CARD14: variants seen among roughly 807,000 people sequenced by gnomAD.
The protein encoded by CARD14 is caspase recruitment domain family member 14, also known as caspase recruitment domain-containing protein 14.
CARD14 carries 107 observed loss-of-function variants against 111.5 expected under a neutral mutation model. That is an observed-to-expected ratio of 0.96 (90% CI 0.82 to 1.13). CARD14 has a LOEUF of 1.13. CARD14 is among the 50% of genes most tolerant of loss of function. CARD14 has a pLI of 0.00. For missense variants in CARD14, 1,322 were observed against 1,362.3 expected, an observed-to-expected ratio of 0.97 and a Z score of 0.47; for synonymous variants, 617 against 579.6, an observed-to-expected ratio of 1.06 and a Z score of -0.93.
Position 80,181,565 on chromosome 17 carries a change from C to T in CARD14, c.127C>T (p.Leu43=), listed in dbSNP as rs1288214434. 3 of 1,566,930 alleles carry T rather than the reference C, an allele frequency of 1.9e-6. No homozygotes were observed. The highest frequency in any genetic ancestry group is 1.7e-6 in the Non-Finnish European group (2 of 1,156,238). ...CICPSRLTPY[L]RQAKVLCQLD... is the part of the protein sequence containing the mutation. ...CTGCCCCAGCCGCCTCACCCCCTACCTGCGCCAGGCCAAGGTGCTGTGCCA... is the reference window on the plus strand; with the variant it reads ...CTGCCCCAGCCGCCTCACCCCCTACTTGCGCCAGGCCAAGGTGCTGTGCCA... The change falls in exon 5 of 24, where the codon CTG becomes TTG. Residue 43 remains leucine (L), a synonymous_variant. Transcript: ENST00000648509.
In CARD14 at chr17:80,189,910, G is replaced by C. The variant is rs775827174; in HGVS notation, c.963+38G>C. On this transcript the variant is annotated intron_variant, in intron 9 of 23. Coordinates refer to ENST00000648509, the MANE Select transcript of CARD14 (RefSeq NM_001366385.1). The surrounding 1 kb of genome is among the most constrained non-coding windows in gnomAD (Gnocchi z 4.7). ...CCCTTCCTCCCTTGTGACTCTCCTG[G>C]GGCTTGTCTCAGGGGTGCGGACAGG... The C allele has an allele frequency of 1.3e-6, 2 of 1,576,630 alleles. No individual in the cohort carries two copies. The highest frequency in any genetic ancestry group is 1.9e-5 in the Admixed American group (1 of 51,488).
chr17:80,206,903 C>T lies in CARD14; in HGVS notation c.2692-67C>T. ...GTCCGGAGGGCCCTTCTGACCTGGG[C>T]GTTGGCTCCCTTTGCTTCCTCTGAG... is the stretch of plus-strand genomic sequence containing the variant. On this transcript the variant is annotated intron_variant, in intron 22 of 23. Coordinates refer to ENST00000648509, the MANE Select transcript of CARD14 (RefSeq NM_001366385.1). 2.0e-5 allele frequency: 23 copies of T among 1,173,866 alleles called. 1 individual carries two copies. The South Asian group carries it at 2.2e-4, about 11-fold the overall frequency. The allele number at this position is 1,173,866 out of a possible 1,614,324, so 72.7% of individuals were successfully genotyped here.
At chr17:80,175,002 G>A (rs1439968037) in intron 2 of CARD14, among the ~76,000 whole-genome samples, 3 of 151,350 alleles carry the variant, frequency 2.0e-5, no homozygotes, top group African/African-American at 7.3e-5. Context: ...TTAAGACAGG[G>A]TCTCAGTCTG....
In CARD14 at chr17:80,191,412, G is replaced by T; in HGVS notation, c.1179G>T (p.Thr393=). ...TCCGCAGGCAGGTGTTCGAGCTGAC[G>T]GACCAGGTCTGCGAGCTGCGCACAC... ...DSLRRQVFEL[T]DQVCELRTQL... Residue 393 remains threonine, a synonymous_variant, in exon 11 of 24, where the codon ACG becomes ACT. Transcript: ENST00000648509. 6.2e-7 allele frequency: 1 copy of T among 1,613,842 alleles called. No homozygotes were observed. The highest frequency in any genetic ancestry group is 2.2e-5 in the East Asian group (1 of 44,868).
intron 16 of CARD14, among the ~76,000 whole-genome samples, chr17:80,199,673 G>GT (rs1481598329): frequency 6.7e-6 from 1 of 149,282 alleles, no homozygotes; most frequent in Non-Finnish European, 1.5e-5. Flanking sequence ...GAGGTTAGGA[G>GT]TTTGAGACCA....
At position 80,179,279 on chromosome 17, in the gene CARD14, A is replaced by G. The variant is rs2040096951; in HGVS notation, c.-43A>G. ...GAGCAGTGGAGAAAAATTAGGCACAACCTGATATCCTCCCACAGGAGCGTA... is the reference window on the plus strand; with the variant it reads ...GAGCAGTGGAGAAAAATTAGGCACAGCCTGATATCCTCCCACAGGAGCGTA... On this transcript the variant is annotated 5_prime_UTR_variant, in exon 4 of 24. Coordinates refer to ENST00000648509, the MANE Select transcript of CARD14 (RefSeq NM_001366385.1). The G allele has an allele frequency of 6.6e-6, 1 of 152,204 alleles. No individual in the cohort carries two copies. Among genetic ancestry groups the G allele is most frequent in the Non-Finnish European group, 1.5e-5 (1 of 68,046 alleles). 9.4% of individuals were successfully genotyped at this position (152,204 alleles called of 1,614,324 possible). A position where few individuals can be genotyped will look rare whatever the true frequency, so the allele number is the denominator to read the frequency against.
chr17:80,190,652 T>C (rs886879154), intron 9 of CARD14, 122 bp from the exon 10 acceptor site: 103 of 1,021,970 alleles, frequency 1.0e-4, no homozygotes, highest in Non-Finnish European at 1.3e-4. Context: ...CGAGTGAGAA[T>C]TGACCTTATT....
chr17:80,207,110 A>T (rs2041364750), intron 23 of CARD14, 25 bp downstream of exon 23: 1 of 1,570,338 alleles, frequency 6.4e-7, no homozygotes, highest in South Asian at 1.1e-5. Flanking sequence ...GGGGCTGGGC[A>T]GGGGCTTCGA....
At position 80,182,808 on chromosome 17, in the gene CARD14, G is replaced by A. The variant is rs1215651501; in HGVS notation, c.349+18G>A. On this transcript the variant is annotated intron_variant, in intron 6 of 23. Transcript: ENST00000648509. The surrounding 1 kb of genome is among the most constrained non-coding windows in gnomAD (Gnocchi z 4.7). Reference sequence around the variant, plus strand: ...CTTTAGCGGTGAGAGCTCCGACTTTGACGGTTTGGCAGGCACTTCTAGGAA... The same window carrying A: ...CTTTAGCGGTGAGAGCTCCGACTTTAACGGTTTGGCAGGCACTTCTAGGAA... The A allele has an allele frequency of 6.2e-7, 1 of 1,613,846 alleles. No homozygotes were observed. The highest frequency in any genetic ancestry group is 1.7e-5 in the Admixed American group (1 of 59,998).
In CARD14 at chr17:80,189,928, C is replaced by T. The variant is rs2040466962; in HGVS notation, c.963+56C>T. ...TCTCCTGGGGCTTGTCTCAGGGGTG[C>T]GGACAGGTCTGTGGGGAAGCCAGAT... On this transcript the variant is annotated intron_variant, in intron 9 of 23. Transcript: ENST00000648509. This position sits in a 1 kb window ranked among gnomAD's most constrained non-coding sequence, Gnocchi z 4.7. 1.9e-6 allele frequency: 3 copies of T among 1,548,970 alleles called. No individual in the cohort carries two copies. Among genetic ancestry groups the T allele is most frequent in the Admixed American group, 2.3e-5 (1 of 44,278 alleles).
chr17:80,190,170 G>A (rs1476109993), intron 9 of CARD14, among the ~76,000 whole-genome samples: 1 of 152,166 alleles, frequency 6.6e-6, no homozygotes. Flanking sequence ...AAAGGAGACG[G>A]TAGAAGAGAA....
Position 80,201,950 on chromosome 17 carries a change from C to G in CARD14, c.1978+80C>G. On this transcript the variant is annotated intron_variant, in intron 17 of 23. Coordinates refer to ENST00000648509, the MANE Select transcript of CARD14 (RefSeq NM_001366385.1). This position sits in a 1 kb window ranked among gnomAD's most constrained non-coding sequence, Gnocchi z 5.0. ...TTAAGTCCCTGGTGGTTCTTCTGCA[C>G]GCCCAGCAGCCAGGGACCCCCAGAG... The G allele has an allele frequency of 1.3e-6, 2 of 1,495,852 alleles. No homozygotes were observed. The highest frequency in any genetic ancestry group is 1.8e-6 in the Non-Finnish European group (2 of 1,110,770). 92.7% of individuals were successfully genotyped at this position (1,495,852 alleles called of 1,614,324 possible).
Position 80,191,351 on chromosome 17 carries a change from G to T in CARD14, c.1118G>T (p.Arg373Met), listed in dbSNP as rs756736748. 3.1e-6 allele frequency: 5 copies of T among 1,613,920 alleles called. No individual in the cohort carries two copies. In the South Asian group the frequency reaches 4.4e-5, roughly 14 times the overall value. Reference sequence around the variant, plus strand: ...TACTCCGCGAGGGACAGTGCTCAGAGGGAGATTTCCCAGAGCCTGGTGGAG... The same window carrying T: ...TACTCCGCGAGGGACAGTGCTCAGATGGAGATTTCCCAGAGCCTGGTGGAG... ...QAYSARDSAQ[R>M]EISQSLVEKD... is the part of the protein sequence containing the mutation. The change falls in exon 11 of 24, where the codon AGG becomes ATG. Residue 373 changes from arginine (R) to methionine (M), a missense_variant. Coordinates refer to ENST00000648509, the MANE Select transcript of CARD14 (RefSeq NM_001366385.1).
Position 80,188,559 on chromosome 17 carries a change from C to A in CARD14, c.843+15C>A. 6.8e-7 allele frequency: 1 copy of A among 1,461,442 alleles called. No individual in the cohort carries two copies. The highest frequency in any genetic ancestry group is 1.5e-5 in the South Asian group (1 of 66,770). The allele number at this position is 1,461,442 out of a possible 1,614,324, so 90.5% of individuals were successfully genotyped here. A position where few individuals can be genotyped will look rare whatever the true frequency, so the allele number is the denominator to read the frequency against. On this transcript the variant is annotated intron_variant, in intron 8 of 23. Coordinates refer to ENST00000648509, the MANE Select transcript of CARD14 (RefSeq NM_001366385.1). The surrounding 1 kb of genome is among the most constrained non-coding windows in gnomAD (Gnocchi z 4.5). ...CTTTCAGCCTGGTAGGTTCCGGTCC[C>A]CGCAGCAGAGAGCGGCCTCCTGCCT...
chr17:80,173,604 A>AC (rs1555609197), intron 2 of CARD14, among the ~76,000 whole-genome samples: 5 of 143,986 alleles, frequency 3.5e-5, no homozygotes, highest in African/African-American at 7.6e-5. Context: ...CAGATTCGGC[A>AC]TTTTTTTTTT....
Position 80,188,522 on chromosome 17 carries a change from T to A in CARD14, c.821T>A (p.Leu274Gln), listed in dbSNP as rs1392863621. The A allele has an allele frequency of 6.6e-7, 1 of 1,525,116 alleles. No homozygotes were observed. The highest frequency in any genetic ancestry group is 8.8e-7 in the Non-Finnish European group (1 of 1,135,346). The allele number at this position is 1,525,116 out of a possible 1,614,324, so 94.5% of individuals were successfully genotyped here. Reference sequence around the variant, plus strand: ...CGCCTGAAGGAGGAGAATGAGAAACTGCGCTCGCTGACTTTCAGCCTGGTA... The same window carrying A: ...CGCCTGAAGGAGGAGAATGAGAAACAGCGCTCGCTGACTTTCAGCCTGGTA... ...LNRLKEENEK[L>Q]RSLTFSLAEK... Residue 274 changes from leucine (L) to glutamine (Q), a missense_variant, in exon 8 of 24, where the codon CTG becomes CAG. Coordinates refer to ENST00000648509, the MANE Select transcript of CARD14 (RefSeq NM_001366385.1). The surrounding 1 kb of genome is among the most constrained non-coding windows in gnomAD (Gnocchi z 4.5).
chr17:80,182,645 C>T lies in CARD14; in HGVS notation c.212-8C>T. The stretch of plus-strand genomic sequence containing the variant: ...GTTCTGCCCAGACAGACGGTTCTGC[C>T]TCCCAAGGGCACTTGCTGGATTTGC... On this transcript the variant is annotated splice_polypyrimidine_tract_variant and splice_region_variant and intron_variant, in intron 5 of 23. Transcript: ENST00000648509. This position sits in a 1 kb window ranked among gnomAD's most constrained non-coding sequence, Gnocchi z 4.7. 1.2e-6 allele frequency: 2 copies of T among 1,613,920 alleles called. No homozygotes were observed. The highest frequency in any genetic ancestry group is 1.7e-6 in the Non-Finnish European group (2 of 1,179,942).
chr17:80,207,394 T>C (rs2041388157), intron 23 of CARD14, among the ~76,000 whole-genome samples: 1 of 152,032 alleles, frequency 6.6e-6, no homozygotes, highest in African/African-American at 2.4e-5. Flanking sequence ...CTATTAAAAA[T>C]ACAAAAACTA....
chr17:80,199,870 G>A (rs963727025), intron 16 of CARD14, among the ~76,000 whole-genome samples: 1 of 151,620 alleles, frequency 6.6e-6, no homozygotes, highest in Non-Finnish European at 1.5e-5. Context: ...AGTGAGACTC[G>A]GTCTCAAAAA....
Sources: gnomAD v4.1 joint callset for allele counts (sites outside exome capture counted in the v4.1 genomes callset) on GRCh38, gnomAD v4.1.1 for gene constraint, Gnocchi (gnomAD v3.1) non-coding constraint, MANE v1.5 for transcripts, NCBI Gene and HGNC (gene_info 2026-07-23, HGNC 2026-07-21) for gene names.